The following CLVS1 variants were observed in gnomAD, a reference collection of about 807,000 sequenced individuals.
CLVS1 encodes the protein clavesin 1.
In CLVS1, 10 loss-of-function variants were observed where a neutral mutation model predicts 33.1. The ratio of observed to expected loss-of-function variants is 0.30; its 90% CI spans 0.19 to 0.51. CLVS1 has a LOEUF of 0.51. CLVS1 is among the 20% of genes least tolerant of loss of function. The pLI, the probability that CLVS1 is intolerant of heterozygous loss-of-function variation, is 0.97. For missense variants in CLVS1, 343 were observed against 433.4 expected (o/e 0.79, Z 1.85); for synonymous variants, 163 against 166.1 (o/e 0.98, Z 0.14).
intron 1 of CLVS1, among the ~76,000 whole-genome samples, chr8:61,070,253 C>G (rs1174483778): frequency 1.3e-5 from 2 of 152,200 alleles, no homozygotes; most frequent in African/African-American, 4.8e-5. Context: ...TTGTGTGCGT[C>G]TCTCATATCA....
At chr8:61,483,430 T>C (rs943271822) in intron 5 of CLVS1, among the ~76,000 whole-genome samples, 19 of 152,346 alleles carry the variant, frequency 1.2e-4, no homozygotes, top group African/African-American at 4.6e-4. Flanking sequence ...TAATAGGTTC[T>C]GAAATTGATG....
At chr8:61,055,902 T>G (rs1267354943), upstream of CLVS1, among the ~76,000 whole-genome samples, 1 of 152,260 alleles carries the variant, frequency 6.6e-6, no homozygotes, top group Non-Finnish European at 1.5e-5. Flanking sequence ...TTCAGAGGCC[T>G]GGACTCCTTA....
chr8:61,389,367 G>T (rs1814209880), intron 3 of CLVS1, among the ~76,000 whole-genome samples: 1 of 151,998 alleles, frequency 6.6e-6, no homozygotes, highest in African/African-American at 2.4e-5. Context: ...GTGAAACCTA[G>T]TCTCTTCTAA....
intron 5 of CLVS1, among the ~76,000 whole-genome samples, chr8:61,470,929 G>A (rs927941692): frequency 6.6e-6 from 1 of 152,148 alleles, no homozygotes; most frequent in Non-Finnish European, 1.5e-5. Flanking sequence ...CACTTAGAAC[G>A]CACCTCTCAG....
At chr8:61,022,813 G>T in the CLVS1 span, among the ~76,000 whole-genome samples, 1 of 152,198 alleles carries the variant, frequency 6.6e-6, no homozygotes, top group Non-Finnish European at 1.5e-5. Flanking sequence ...ATATATACCC[G>T]TATATGTATA....
intron 1 of CLVS1, among the ~76,000 whole-genome samples, chr8:61,102,832 G>C (rs1437954572): frequency 6.6e-6 from 1 of 152,028 alleles, no homozygotes; most frequent in Non-Finnish European, 1.5e-5. Flanking sequence ...AAATAGAAGA[G>C]GAAAGAGCAG....
chr8:61,265,993 C>T lies in CLVS1; in HGVS notation c.-151-33684C>T, dbSNP rs572102654. 7.5e-4 allele frequency among the ~76,000 whole-genome samples: 114 copies of T among 152,274 alleles called. No individual in the cohort carries two copies. The Middle Eastern group carries it at 0.027, about 36-fold the overall frequency. On this transcript the variant is annotated intron_variant, in intron 2 of 2. Transcript: ENST00000522621. ...ATTCCATCTGGGTTTATTCCTGGCT[C>T]TTAGCAGGATCTGAGTTCTAGCAAT...
the CLVS1 span, among the ~76,000 whole-genome samples, chr8:60,999,257 A>G: frequency 6.6e-6 from 1 of 152,198 alleles, no homozygotes; most frequent in African/African-American, 2.4e-5. Context: ...GCAAAGGAAC[A>G]TGGGCAGAGA....
At chr8:61,074,373 TATAAGTATATGTG>T (rs1184182311) in intron 1 of CLVS1, among the ~76,000 whole-genome samples, 1 of 64,932 alleles carries the variant, frequency 1.5e-5, no homozygotes, top group African/African-American at 8.2e-5. Context: ...TATATATATA[TATAAGTATATGTG>T]TATATATATA....
chr8:61,218,252 G>A (rs1808133986), intron 2 of CLVS1, among the ~76,000 whole-genome samples: 1 of 152,064 alleles, frequency 6.6e-6, no homozygotes, highest in African/African-American at 2.4e-5. Context: ...GAGTCAACCT[G>A]GGTGTCCAAA....
chr8:61,059,622 C>T (rs1192853399), intron 1 of CLVS1, among the ~76,000 whole-genome samples: 1 of 150,878 alleles, frequency 6.6e-6, no homozygotes, highest in Non-Finnish European at 1.5e-5. Context: ...ACCAGCCTGC[C>T]AATGTGGTGA....
chr8:61,255,478 T>A (rs1161988905), intron 2 of CLVS1, among the ~76,000 whole-genome samples: 1 of 152,220 alleles, frequency 6.6e-6, no homozygotes, highest in African/African-American at 2.4e-5. Context: ...AGTCGAATTC[T>A]TGTCTGTATG....
rs1432311981 is a variant in CLVS1, at chr8:61,440,110, A to G, written c.631-14031A>G. On this transcript the variant is annotated intron_variant, in intron 3 of 5. Coordinates refer to ENST00000325897, the MANE Select transcript of CLVS1 (RefSeq NM_173519.3). ...CTCAAATAAAGCATTGTCTTTCTCC[A>G]TCTCTCTCACTAGTAGATGAACTAA... is the stretch of plus-strand genomic sequence containing the variant. Among the ~76,000 whole-genome samples the G allele has an allele frequency of 5.9e-5, 9 of 152,184 alleles. 1 individual carries two copies. Among genetic ancestry groups the G allele is most frequent in the Non-Finnish European group, 5.9e-5 (4 of 68,026 alleles).
intron 2 of CLVS1, among the ~76,000 whole-genome samples, chr8:61,258,671 A>G (rs999812566): frequency 1.3e-5 from 2 of 152,198 alleles, no homozygotes; most frequent in Non-Finnish European, 2.9e-5. Flanking sequence ...CTTTCACCTA[A>G]ACCACGGAGA....
intron 3 of CLVS1, among the ~76,000 whole-genome samples, chr8:61,425,231 G>T (rs1815836857): frequency 6.6e-6 from 1 of 152,112 alleles, no homozygotes; most frequent in Non-Finnish European, 1.5e-5. Context: ...TTTGCATTCA[G>T]ATCTTCTGTT....
At chr8:61,339,366 T>C (rs992936774) in intron 2 of CLVS1, among the ~76,000 whole-genome samples, 42 of 152,214 alleles carry the variant, frequency 2.8e-4, no homozygotes, top group Middle Eastern at 3.4e-3. Context: ...TTAATACGCT[T>C]GGAATTTTGC....
chr8:61,061,449 A>G (rs79979749), intron 1 of CLVS1, among the ~76,000 whole-genome samples: 4,857 of 152,150 alleles, frequency 0.032, 275 homozygotes, highest in African/African-American at 0.11. Flanking sequence ...CTGCACAATC[A>G]TTCATATTTT....
At chr8:61,107,953 C>T (rs965944136) in intron 1 of CLVS1, among the ~76,000 whole-genome samples, 10 of 152,072 alleles carry the variant, frequency 6.6e-5, no homozygotes, top group East Asian at 3.9e-4. Context: ...CTATTCTAGA[C>T]ACTTCGGATT....
chr8:61,238,330 T>G (rs189962681), intron 2 of CLVS1, among the ~76,000 whole-genome samples: 102 of 152,024 alleles, frequency 6.7e-4, no homozygotes, highest in African/African-American at 2.2e-3. Context: ...TCCCTCTCTT[T>G]CCCTCCCCTG....
Sources: allele counts gnomAD v4.1 joint callset (sites outside exome capture counted in the v4.1 genomes callset), GRCh38; gene constraint gnomAD v4.1.1; transcripts MANE v1.5; gene names NCBI Gene and HGNC (gene_info 2026-07-23, HGNC 2026-07-21).